The following TCF7L2 variants were observed in gnomAD, a reference collection of about 807,000 sequenced individuals.
TCF7L2 encodes transcription factor 7-like 2.
A neutral mutation model predicts 77.9 loss-of-function variants in TCF7L2; 23 were observed. The observed-to-expected ratio is 0.30, with a 90% CI of 0.21 to 0.42. The LOEUF (loss-of-function observed/expected upper bound fraction) is 0.42, where lower values mean the gene tolerates loss of function less well. Among genes scored for constraint, TCF7L2 ranks in the 10% least tolerant of loss-of-function variants. The probability of loss-of-function intolerance (pLI) is 1.00; values close to 1 mark genes in which losing one functional copy is unlikely to be tolerated. For missense variants in TCF7L2, 654 were observed against 793.1 expected, an observed-to-expected ratio of 0.82 and a Z score of 2.11; for synonymous variants, 413 against 340.2, an observed-to-expected ratio of 1.21 and a Z score of -2.36.
rs1564890072 is a variant in TCF7L2 at position 113,097,653 on chromosome 10, A to AAAAAAAACAAAAAAAAAAAAAC, written c.553-43524_553-43523insCAAAAAAAAAAAAACAAAAAAA. ...AGTAAGACTCTTGTCTCGGAAAAAA[A>AAAAAAAACAAAAAAAAAAAAAC]AAAAAAAAAAAAAAAAAAAAACAAC... On this transcript the variant is annotated intron_variant, in intron 5 of 13. Transcript: ENST00000627217. 9.7e-5 allele frequency among the ~76,000 whole-genome samples: 12 copies of AAAAAAAACAAAAAAAAAAAAAC among 124,286 alleles called. 1 individual carries two copies. Among genetic ancestry groups the AAAAAAAACAAAAAAAAAAAAAC allele is most frequent in the African/African-American group, 3.8e-4 (12 of 31,358 alleles). 81.5% of individuals were successfully genotyped at this position (124,286 alleles called of 152,430 possible).
chr10:113,138,597 C>G (rs2067801379), intron 5 of TCF7L2, among the ~76,000 whole-genome samples: 1 of 152,058 alleles, frequency 6.6e-6, no homozygotes, highest in Admixed American at 6.5e-5. Context: ...CAGCTTCTTC[C>G]TAACAATAAA....
chr10:113,040,184 CT>C (rs2052186892), intron 5 of TCF7L2, 58 bp downstream of exon 5: 5 of 1,490,580 alleles, frequency 3.4e-6, no homozygotes, highest in South Asian at 1.2e-5. Context: ...AAAGAAAATG[CT>C]TTTTTGATGA....
At position 113,157,853 on chromosome 10, in the gene TCF7L2, G is replaced by A. The variant is rs1214712861; in HGVS notation, c.1270-168G>A. On this transcript the variant is annotated intron_variant, in intron 11 of 13. Coordinates refer to ENST00000627217, the MANE Select transcript of TCF7L2 (RefSeq NM_001146274.2). Reference sequence around the variant, plus strand: ...CCCTCCAGCTGGGGTACAATGCAAGGGCATTTGGCTTGAAGCGGGGTTGGA... The same window carrying A: ...CCCTCCAGCTGGGGTACAATGCAAGAGCATTTGGCTTGAAGCGGGGTTGGA... 11 of 641,688 alleles carry A rather than the reference G, an allele frequency of 1.7e-5. No homozygotes were observed. The Admixed American group carries it at 2.8e-4, about 16-fold the overall frequency. 39.7% of individuals were successfully genotyped at this position (641,688 alleles called of 1,614,324 possible).
intron 11 of TCF7L2, among the ~76,000 whole-genome samples, chr10:113,155,941 G>A (rs971911944): frequency 5.3e-5 from 8 of 152,220 alleles, no homozygotes; most frequent in African/African-American, 7.2e-5. Context: ...CAAGATCCCC[G>A]AACAGAAGGC....
At position 112,951,196 on chromosome 10, in the gene TCF7L2, C is replaced by A. The variant is rs200068852; in HGVS notation, c.190-11C>A. The A allele has an allele frequency of 1.9e-6, 3 of 1,583,458 alleles. No homozygotes were observed. Among genetic ancestry groups the A allele is most frequent in the African/African-American group, 2.7e-5 (2 of 72,938 alleles). ...GCCCCTCGCCCTCCCCACCTCCACC[C>A]CTCTGGGAAGGCGGAAAGACGGCCT... On this transcript the variant is annotated splice_polypyrimidine_tract_variant and intron_variant, in intron 1 of 13. Transcript: ENST00000627217.
chr10:112,969,324 C>T (rs1564726379), intron 4 of TCF7L2, among the ~76,000 whole-genome samples: 1 of 152,164 alleles, frequency 6.6e-6, no homozygotes. Flanking sequence ...ATGGTTTGCT[C>T]TTTTTCATGG....
intron 5 of TCF7L2, among the ~76,000 whole-genome samples, chr10:113,047,889 A>G (rs2053731024): frequency 6.6e-6 from 1 of 152,114 alleles, no homozygotes; most frequent in Admixed American, 6.5e-5. Context: ...TTGGGGGAAG[A>G]GTCTTTGGCA....
intron 5 of TCF7L2, among the ~76,000 whole-genome samples, chr10:113,133,933 T>C (rs890457622): frequency 2.0e-5 from 3 of 152,208 alleles, no homozygotes; most frequent in Non-Finnish European, 4.4e-5. Context: ...GGCCAGAGGA[T>C]GCAGGCTGTG....
At chr10:113,068,656 G>C (rs2057557985) in intron 5 of TCF7L2, among the ~76,000 whole-genome samples, 1 of 152,156 alleles carries the variant, frequency 6.6e-6, no homozygotes, top group Non-Finnish European at 1.5e-5. Flanking sequence ...GGCTGTTTCA[G>C]GGACCTCTGT....
intron 4 of TCF7L2, among the ~76,000 whole-genome samples, chr10:113,010,542 A>T (rs556820818): frequency 1.3e-5 from 2 of 152,330 alleles, no homozygotes; most frequent in Admixed American, 1.3e-4. Context: ...TCACACTGTT[A>T]AGGAGATAGA....
chr10:112,953,315 C>A (rs1417506489), intron 3 of TCF7L2, among the ~76,000 whole-genome samples: 1 of 152,170 alleles, frequency 6.6e-6, no homozygotes, highest in Non-Finnish European at 1.5e-5. Context: ...CAACCCCCTT[C>A]TCCAGGGCCA....
chr10:113,071,641 G>A (rs980394269), intron 5 of TCF7L2, among the ~76,000 whole-genome samples: 12 of 152,186 alleles, frequency 7.9e-5, no homozygotes, highest in Non-Finnish European at 1.3e-4. Context: ...GACTGGGCAC[G>A]GGACCAAGCC....
rs2044649290 is a variant in TCF7L2 at position 113,002,386 on chromosome 10, G to C, written c.451-37639G>C. 6.6e-5 allele frequency among the ~76,000 whole-genome samples: 10 copies of C among 152,274 alleles called. No homozygotes were observed. In the South Asian group the frequency reaches 2.1e-3, roughly 32 times the overall value. ...ATTTGGCAATGTCTAGAGACATTTA[G>C]CATGGCCAGTCATTGGGAGGTACTC... On this transcript the variant is annotated intron_variant, in intron 4 of 13. Transcript: ENST00000627217.
chr10:113,097,594 A>G (rs1165314265), intron 5 of TCF7L2, among the ~76,000 whole-genome samples: 1 of 135,780 alleles, frequency 7.4e-6, no homozygotes, highest in Non-Finnish European at 1.5e-5. Context: ...TGGAAGTTGC[A>G]GTGAGCCAAG....
intron 8 of TCF7L2, among the ~76,000 whole-genome samples, chr10:113,148,745 AT>A (rs1184639819): frequency 6.6e-6 from 1 of 152,188 alleles, no homozygotes; most frequent in Non-Finnish European, 1.5e-5. Context: ...GCAGAAAGGA[AT>A]TTCTTAAGCG....
At chr10:113,131,830 A>G (rs547932399) in intron 5 of TCF7L2, among the ~76,000 whole-genome samples, 1 of 152,322 alleles carries the variant, frequency 6.6e-6, no homozygotes, top group South Asian at 2.1e-4. Context: ...AAATCCTGAC[A>G]TGCCCTCCAG....
intron 5 of TCF7L2, among the ~76,000 whole-genome samples, chr10:113,091,280 T>C (rs1020649694): frequency 1.3e-5 from 2 of 152,212 alleles, no homozygotes; most frequent in Non-Finnish European, 2.9e-5. Context: ...TTTCGCAAAA[T>C]TGGTATTATA....
chr10:113,107,025 C>T (rs950985226), intron 5 of TCF7L2, among the ~76,000 whole-genome samples: 2 of 152,230 alleles, frequency 1.3e-5, no homozygotes, highest in African/African-American at 4.8e-5. Flanking sequence ...TTGCGAAGAG[C>T]TGTCTTCTGC....
At chr10:113,007,426 T>C (rs1389030785) in intron 4 of TCF7L2, among the ~76,000 whole-genome samples, 1 of 152,226 alleles carries the variant, frequency 6.6e-6, no homozygotes, top group Non-Finnish European at 1.5e-5. Flanking sequence ...GCTGGTAGGC[T>C]AAGAGCTTGG....
Sources: gnomAD v4.1 joint callset for allele counts (sites outside exome capture counted in the v4.1 genomes callset) on GRCh38, gnomAD v4.1.1 for gene constraint, MANE v1.5 for transcripts, NCBI Gene and HGNC (gene_info 2026-07-23, HGNC 2026-07-21) for gene names.